The following MORN5 variants were observed in gnomAD, a reference collection of about 807,000 sequenced individuals.
MORN5 encodes the protein MORN repeat containing 5.
In MORN5, 21 loss-of-function variants were observed where a neutral mutation model predicts 22.1. The observed-to-expected ratio is 0.95, with a 90% CI of 0.67 to 1.37. The LOEUF (loss-of-function observed/expected upper bound fraction) is 1.37. MORN5 is among the 40% of genes most tolerant of loss of function. The pLI is 0.00. For missense variants in MORN5, 211 were observed against 215.1 expected (o/e 0.98, Z 0.12); for synonymous variants, 73 against 74.0 (o/e 0.99, Z 0.07).
At chr9:122,160,530 T>C (rs902276783) in intron 1 of MORN5, among the ~76,000 whole-genome samples, 6 of 151,770 alleles carry the variant, frequency 4.0e-5, no homozygotes, top group Non-Finnish European at 7.4e-5. Flanking sequence ...CAACAGTTTT[T>C]TTTTCTTTTC....
At chr9:122,175,661 C>G (rs1829439739) in intron 4 of MORN5, 1 of 985,286 alleles carries the variant, frequency 1.0e-6, no homozygotes, top group African/African-American at 1.7e-5. Flanking sequence ...TGAATGGTCC[C>G]TCTAAAGACC....
At chr9:122,169,972 T>G (rs1488360325) in intron 3 of MORN5, among the ~76,000 whole-genome samples, 2 of 152,174 alleles carry the variant, frequency 1.3e-5, no homozygotes, top group African/African-American at 4.8e-5. Flanking sequence ...GCAAGGGACT[T>G]TACCCACTGC....
intron 4 of MORN5, among the ~76,000 whole-genome samples, chr9:122,198,908 A>C: frequency 6.6e-6 from 1 of 152,218 alleles, no homozygotes; most frequent in East Asian, 1.9e-4. Flanking sequence ...CATTTCTGTA[A>C]ATTAAAAACA....
At chr9:122,167,048 TC>T (rs71508154) in intron 2 of MORN5, 133 bp downstream of exon 2, 7 of 621,160 alleles carry the variant, frequency 1.1e-5, no homozygotes, top group African/African-American at 4.4e-5. Flanking sequence ...TCTCCCCCAC[TC>T]CCCCCACTTT....
At chr9:122,195,318 T>A (rs1829864625) in intron 4 of MORN5, among the ~76,000 whole-genome samples, 2 of 152,224 alleles carry the variant, frequency 1.3e-5, no homozygotes, top group Admixed American at 1.3e-4. Flanking sequence ...GGATGGTACA[T>A]CTGTCACAGT....
rs1829497458 is a variant in MORN5 at position 122,179,109 on chromosome 9, G to C, written c.439+4482G>C. 2.6e-5 allele frequency among the ~76,000 whole-genome samples: 4 copies of C among 152,202 alleles called. No homozygotes were observed. The South Asian group carries it at 8.3e-4, about 32-fold the overall frequency. On this transcript the variant is annotated intron_variant, in intron 4 of 4. Transcript: ENST00000373764. ...GACGAATGCAGCAGGGTTGGTAAGA[G>C]TGTTAAAGGCAGAGGGGACAGCATG...
At position 122,169,538 on chromosome 9, in the gene MORN5, T is replaced by A. The variant is rs12347016; in HGVS notation, c.196-107T>A. The A allele has an allele frequency of 2.4e-3, 1,764 of 728,934 alleles. 18 individuals are homozygous for A. In the African/African-American group the frequency reaches 0.029, roughly 12 times the overall value. The allele number at this position is 728,934 out of a possible 1,614,324, so 45.2% of individuals were successfully genotyped here. A position where few individuals can be genotyped will look rare whatever the true frequency, so the allele number is the denominator to read the frequency against. ...CATAATAATTGTGATAGTTACCACT[T>A]CTTTACTGCAGCCATCAGAAAGGCC... On this transcript the variant is annotated intron_variant, in intron 2 of 4. Coordinates refer to ENST00000373764, the MANE Select transcript of MORN5 (RefSeq NM_198469.4).
intron 4 of MORN5, among the ~76,000 whole-genome samples, chr9:122,190,346 C>A (rs991188956): frequency 6.6e-6 from 1 of 151,134 alleles, no homozygotes; most frequent in Non-Finnish European, 1.5e-5. Flanking sequence ...GCTTGGTAAA[C>A]TGCTTTACTA....
In MORN5 at chr9:122,200,079, G is replaced by C; in HGVS notation, c.*148G>C. The C allele has an allele frequency of 1.4e-6, 1 of 715,220 alleles. No homozygotes were observed. The highest frequency in any genetic ancestry group is 2.4e-6 in the Non-Finnish European group (1 of 414,890). The allele number at this position is 715,220 out of a possible 1,614,324, so 44.3% of individuals were successfully genotyped here. ...TAACTCAGGAATAAAGACTTTCTGC[G>C]GTCAGTGGCCCCAGGTGTATTTTCC... On this transcript the variant is annotated 3_prime_UTR_variant, in exon 5 of 5. Coordinates refer to ENST00000373764, the MANE Select transcript of MORN5 (RefSeq NM_198469.4).
chr9:122,162,324 C>G (rs777691996), intron 1 of MORN5, among the ~76,000 whole-genome samples: 1 of 152,070 alleles, frequency 6.6e-6, no homozygotes, highest in Non-Finnish European at 1.5e-5. Context: ...ATAGAGTAAC[C>G]TCTCTATACA....
chr9:122,182,570 G>A (rs936047553), intron 4 of MORN5, among the ~76,000 whole-genome samples: 1 of 152,202 alleles, frequency 6.6e-6, no homozygotes, highest in Admixed American at 6.5e-5. Context: ...GGTCAACATG[G>A]TGAAACCCTG....
chr9:122,185,292 G>A (rs936625242), intron 4 of MORN5, among the ~76,000 whole-genome samples: 12 of 151,248 alleles, frequency 7.9e-5, no homozygotes, highest in Admixed American at 1.3e-4. Flanking sequence ...GTGCGATCTC[G>A]GCTCACTGCA....
chr9:122,185,626 C>G (rs2118774158), intron 4 of MORN5, among the ~76,000 whole-genome samples: 1 of 152,284 alleles, frequency 6.6e-6, no homozygotes, highest in African/African-American at 2.4e-5. Context: ...TCCCAAAGTG[C>G]TGGGATTACA....
intron 4 of MORN5, among the ~76,000 whole-genome samples, chr9:122,176,432 A>G (rs1010741576): frequency 3.3e-5 from 5 of 152,188 alleles, no homozygotes; most frequent in African/African-American, 1.2e-4. Flanking sequence ...AGGGCCTTTA[A>G]TATGCTAATA....
At chr9:122,170,337 C>G (rs1453117656) in intron 3 of MORN5, among the ~76,000 whole-genome samples, 1 of 151,524 alleles carries the variant, frequency 6.6e-6, no homozygotes, top group Non-Finnish European at 1.5e-5. Flanking sequence ...TCAATAGCAT[C>G]ATCTACCTCC....
chr9:122,199,244 C>T (rs1443523413), intron 4 of MORN5, among the ~76,000 whole-genome samples: 2 of 152,182 alleles, frequency 1.3e-5, no homozygotes, highest in Non-Finnish European at 2.9e-5. Context: ...GGACAAGTGC[C>T]TCGGCCTCTG....
At chr9:122,181,525 CTG>C (rs1424006001) in intron 4 of MORN5, among the ~76,000 whole-genome samples, 2 of 152,108 alleles carry the variant, frequency 1.3e-5, no homozygotes, top group Non-Finnish European at 2.9e-5. Context: ...ATGATAGCAA[CTG>C]TAGACAGTTA....
At chr9:122,194,795 G>A (rs558496971) in intron 4 of MORN5, among the ~76,000 whole-genome samples, 47 of 152,228 alleles carry the variant, frequency 3.1e-4, no homozygotes, top group African/African-American at 1.1e-3. Flanking sequence ...CGAGGTGGGC[G>A]GATCACCTGA....
At chr9:122,184,473 T>C (rs968460577) in intron 4 of MORN5, among the ~76,000 whole-genome samples, 11 of 152,210 alleles carry the variant, frequency 7.2e-5, no homozygotes, top group Non-Finnish European at 1.5e-4. Flanking sequence ...CAGTGTCCAA[T>C]AGGAGAGGAC....
Sources: allele counts gnomAD v4.1 joint callset (sites outside exome capture counted in the v4.1 genomes callset), GRCh38; gene constraint gnomAD v4.1.1; transcripts MANE v1.5; gene names NCBI Gene and HGNC (gene_info 2026-07-23, HGNC 2026-07-21).